The following SCOC variants were observed in gnomAD, a reference collection of about 807,000 sequenced individuals.
SCOC encodes the protein short coiled coil protein.
SCOC carries 7 observed loss-of-function variants against 9.9 expected under a neutral mutation model. The observed-to-expected ratio is 0.71, with a 90% CI of 0.40 to 1.33. The LOEUF (loss-of-function observed/expected upper bound fraction) is 1.33, where lower values mean the gene tolerates loss of function less well. Among genes scored for constraint, SCOC ranks in the 40% most tolerant of loss-of-function variants. The pLI, the probability that SCOC is intolerant of heterozygous loss-of-function variation, is 0.01. For synonymous variants in SCOC, 19 were observed against 28.2 expected (o/e 0.67, Z 1.03); for missense variants, 66 against 89.7 (o/e 0.74, Z 1.07).
At chr4:140,265,560 G>C (rs1177951259) in intron 1 of SCOC, among the ~76,000 whole-genome samples, 1 of 152,196 alleles carries the variant, frequency 6.6e-6, no homozygotes, top group Non-Finnish European at 1.5e-5. Flanking sequence ...ACAGAAAATG[G>C]AAGTGAGGTC....
chr4:140,354,762 G>C (rs1727139123), intron 2 of SCOC, among the ~76,000 whole-genome samples: 1 of 151,254 alleles, frequency 6.6e-6, no homozygotes, highest in African/African-American at 2.4e-5. Context: ...TGCAGGAGTT[G>C]GAAAAAATGA....
At chr4:140,366,455 G>T in intron 2 of SCOC, 1 of 1,530,068 alleles carries the variant, frequency 6.5e-7, no homozygotes, top group Non-Finnish European at 9.0e-7. Context: ...TTTGGGAGAA[G>T]CTTTTGGAGA....
chr4:140,294,430 A>G (rs1032394302), intron 1 of SCOC, among the ~76,000 whole-genome samples: 1 of 152,194 alleles, frequency 6.6e-6, no homozygotes, highest in Non-Finnish European at 1.5e-5. Context: ...AGTCCCCTAC[A>G]TGCATGAATG....
At chr4:140,274,929 T>C (rs1730946881) in intron 1 of SCOC, among the ~76,000 whole-genome samples, 1 of 152,218 alleles carries the variant, frequency 6.6e-6, no homozygotes, top group Non-Finnish European at 1.5e-5. Flanking sequence ...CTAAAGGGTG[T>C]TAATCTTTCT....
chr4:140,305,392 C>T (rs939871198), intron 1 of SCOC, among the ~76,000 whole-genome samples: 1 of 152,164 alleles, frequency 6.6e-6, no homozygotes, highest in African/African-American at 2.4e-5. Context: ...GCTGGAGGGA[C>T]AGAGGGAAGG....
rs1407280041 is a variant in SCOC at position 140,381,441 on chromosome 4, G to A, written c.*337G>A. 6.1e-6 allele frequency: 1 copy of A among 163,108 alleles called. No individual in the cohort carries two copies. The highest frequency in any genetic ancestry group is 1.8e-4 in the East Asian group (1 of 5,512). 10.1% of individuals were successfully genotyped at this position (163,108 alleles called of 1,614,324 possible). A position where few individuals can be genotyped will look rare whatever the true frequency, so the allele number is the denominator to read the frequency against. ...TACAAGAAAATAACCACCGTGTTGTGAAAAAGTGACCAAAATCATGTACTA... is the reference window on the plus strand; with the variant it reads ...TACAAGAAAATAACCACCGTGTTGTAAAAAAGTGACCAAAATCATGTACTA... On this transcript the variant is annotated 3_prime_UTR_variant, in exon 4 of 4. Coordinates refer to ENST00000608372, the MANE Select transcript of SCOC (RefSeq NM_001153484.2).
chr4:140,259,848 A>G (rs769076686), intron 1 of SCOC, among the ~76,000 whole-genome samples: 1 of 152,218 alleles, frequency 6.6e-6, no homozygotes, highest in African/African-American at 2.4e-5. Context: ...CAATTTACTC[A>G]TCTATTTCCC....
intron 1 of SCOC, among the ~76,000 whole-genome samples, chr4:140,337,764 C>T (rs931455633): frequency 6.6e-6 from 1 of 152,158 alleles, no homozygotes; most frequent in Non-Finnish European, 1.5e-5. Context: ...GAAGTAGAAT[C>T]TCTGAATAGA....
At chr4:140,373,263 C>T, upstream of SCOC, 1 of 1,295,348 alleles carries the variant, frequency 7.7e-7, no homozygotes, top group Middle Eastern at 3.0e-4. Flanking sequence ...TCATACCAAC[C>T]TCTTTCCTGA....
intron 2 of SCOC, among the ~76,000 whole-genome samples, chr4:140,345,546 T>A (rs1007899373): frequency 2.0e-5 from 3 of 152,192 alleles, no homozygotes; most frequent in Non-Finnish European, 2.9e-5. Flanking sequence ...TGGGCTTTGA[T>A]AACTAAAAAT....
chr4:140,304,594 A>C (rs1437628639), intron 1 of SCOC, among the ~76,000 whole-genome samples: 1 of 152,184 alleles, frequency 6.6e-6, no homozygotes, highest in African/African-American at 2.4e-5. Flanking sequence ...TAATGTCTTC[A>C]TTACTTGCAG....
At chr4:140,366,441 C>T in intron 2 of SCOC, 3 of 1,505,710 alleles carry the variant, frequency 2.0e-6, no homozygotes, top group South Asian at 1.2e-5. Flanking sequence ...GCAGCAGGTG[C>T]TTTTTTGGGA....
chr4:140,323,956 A>G (rs974723653), intron 1 of SCOC, among the ~76,000 whole-genome samples: 1 of 152,198 alleles, frequency 6.6e-6, no homozygotes, highest in Non-Finnish European at 1.5e-5. Flanking sequence ...ATGAAAATAA[A>G]TGCAAAAAAT....
At chr4:140,306,358 C>T (rs772113488) in intron 1 of SCOC, among the ~76,000 whole-genome samples, 1 of 152,116 alleles carries the variant, frequency 6.6e-6, no homozygotes, top group Non-Finnish European at 1.5e-5. Flanking sequence ...AGCTACAGTT[C>T]AAGATGAGAT....
intron 1 of SCOC, among the ~76,000 whole-genome samples, chr4:140,279,665 T>A (rs912014727): frequency 6.6e-6 from 1 of 152,228 alleles, no homozygotes; most frequent in East Asian, 1.9e-4. Context: ...ACCAGCCTCA[T>A]CCCATGAACT....
intron 1 of SCOC, among the ~76,000 whole-genome samples, chr4:140,277,483 A>T (rs1381835235): frequency 6.6e-6 from 1 of 152,160 alleles, no homozygotes; most frequent in Non-Finnish European, 1.5e-5. Context: ...TGGAGGGAAT[A>T]TTTACTTGCT....
At position 140,322,918 on chromosome 4, in the gene SCOC, T is replaced by G. The variant is rs115399937; in HGVS notation, c.-18-20703T>G. On this transcript the variant is annotated intron_variant, in intron 1 of 4. Coordinates refer to the SCOC transcript ENST00000394205. The stretch of plus-strand genomic sequence containing the variant: ...TTTTGGAGATCTTTAGAGGCCGCCA[T>G]GCCCACCACAGGCCCAGAGTGCTAG... Among the ~76,000 whole-genome samples, 22 of 152,212 alleles carry G rather than the reference T, an allele frequency of 1.4e-4. 1 individual carries two copies. The highest frequency in any genetic ancestry group is 3.4e-3 in the Middle Eastern group (1 of 294).
intron 1 of SCOC, among the ~76,000 whole-genome samples, chr4:140,322,789 A>C (rs1315023009): frequency 6.6e-6 from 1 of 152,160 alleles, no homozygotes; most frequent in Non-Finnish European, 1.5e-5. Flanking sequence ...TTAGGAAAGA[A>C]AATCATGGGT....
intron 1 of SCOC, among the ~76,000 whole-genome samples, chr4:140,335,179 T>A (rs1732924243): frequency 1.3e-5 from 2 of 152,200 alleles, no homozygotes; most frequent in South Asian, 4.1e-4. Flanking sequence ...AATCAGATTG[T>A]GTATTTTAAT....
Sources: allele counts gnomAD v4.1 joint callset (sites outside exome capture counted in the v4.1 genomes callset), GRCh38; gene constraint gnomAD v4.1.1; transcripts MANE v1.5; gene names NCBI Gene and HGNC (gene_info 2026-07-23, HGNC 2026-07-21).